Variants in RFX6 observed in about 807,000 individuals in gnomAD.
RFX6 encodes the protein regulatory factor X6.
A neutral mutation model predicts 110.8 loss-of-function variants in RFX6; 50 were observed. The ratio of observed to expected loss-of-function variants is 0.45; its 90% confidence interval spans 0.36 to 0.57. The LOEUF is 0.57. Among genes scored for constraint, RFX6 ranks in the 20% least tolerant of loss-of-function variants. The pLI is 0.00. For missense variants in RFX6, 990 were observed against 1,127.0 expected, an observed-to-expected ratio of 0.88 and a Z score of 1.74; for synonymous variants, 383 against 411.2, an observed-to-expected ratio of 0.93 and a Z score of 0.83.
At chr6:116,927,568 G>T in intron 17 of RFX6, 29 bp downstream of exon 17, 1 of 1,602,200 alleles carries the variant, frequency 6.2e-7, no homozygotes. Context: ...ATTTTTCTTG[G>T]TTTTTGAGAT....
At chr6:116,908,295 T>G (rs1241857297) in intron 6 of RFX6, among the ~76,000 whole-genome samples, 1 of 152,086 alleles carries the variant, frequency 6.6e-6, no homozygotes, top group Non-Finnish European at 1.5e-5. Context: ...CATAATATTT[T>G]CCAGTTTCAT....
intron 6 of RFX6, among the ~76,000 whole-genome samples, chr6:116,905,133 C>T (rs956187954): frequency 2.6e-5 from 4 of 152,170 alleles, no homozygotes; most frequent in Non-Finnish European, 5.9e-5. Flanking sequence ...TTTACATTCT[C>T]ACCAACAATG....
At position 116,902,160 on chromosome 6, in the gene RFX6, G is replaced by A. The variant is rs371295741; in HGVS notation, c.672+6953G>A. Among the ~76,000 whole-genome samples the A allele has an allele frequency of 2.6e-5, 4 of 152,044 alleles. No homozygotes were observed. The East Asian group carries it at 7.7e-4, about 29-fold the overall frequency. ...AATATTAAGAACATTTACATACTAG[G>A]TAAATTTTTTAATGTTTGAGTAGAA... On this transcript the variant is annotated intron_variant, in intron 6 of 18. Transcript: ENST00000332958.
chr6:116,882,453 G>T (rs1774609660), intron 4 of RFX6, 25 bp downstream of exon 4: 1 of 1,557,588 alleles, frequency 6.4e-7, no homozygotes, highest in East Asian at 2.2e-5. Flanking sequence ...AACATATTCA[G>T]GTTCTGCTCT....
In RFX6 at chr6:116,931,284, G is replaced by T. The variant is rs901192477; in HGVS notation, c.2612-47G>T. 10 of 1,428,252 alleles carry T rather than the reference G, an allele frequency of 7.0e-6. No homozygotes were observed. In the South Asian group the frequency reaches 1.0e-4, roughly 15 times the overall value. 88.5% of individuals were successfully genotyped at this position (1,428,252 alleles called of 1,614,324 possible). A position where few individuals can be genotyped will look rare whatever the true frequency, so the allele number is the denominator to read the frequency against. On this transcript the variant is annotated intron_variant, in intron 18 of 18. Coordinates refer to ENST00000332958, the MANE Select transcript of RFX6 (RefSeq NM_173560.4). ...AAATGAGTGGCATTTGCAGAGAAAA[G>T]AAAATGTCAATCAATTTTCAATTGC...
At chr6:116,915,663 T>A (rs1775445979) in intron 7 of RFX6, among the ~76,000 whole-genome samples, 1 of 152,068 alleles carries the variant, frequency 6.6e-6, no homozygotes, top group Non-Finnish European at 1.5e-5. Context: ...TTTATGTTTA[T>A]TTACCCAAAA....
intron 4 of RFX6, among the ~76,000 whole-genome samples, chr6:116,889,792 G>A (rs932608749): frequency 2.6e-5 from 4 of 152,060 alleles, no homozygotes; most frequent in Non-Finnish European, 5.9e-5. Context: ...ATATGTTTAA[G>A]TATATGATAT....
intron 7 of RFX6, 124 bp downstream of exon 7, chr6:116,911,166 G>A: frequency 1.4e-6 from 1 of 705,126 alleles, no homozygotes; most frequent in Non-Finnish European, 2.5e-6. Flanking sequence ...ATAATTGACT[G>A]ATTTATAGGA....
chr6:116,920,822 A>G (rs1029818978), intron 12 of RFX6, among the ~76,000 whole-genome samples: 1 of 152,240 alleles, frequency 6.6e-6, no homozygotes, highest in African/African-American at 2.4e-5. Context: ...TTACCTAGAA[A>G]TAAATGAAAT....
intron 6 of RFX6, among the ~76,000 whole-genome samples, chr6:116,902,105 G>C (rs1029372648): frequency 5.3e-5 from 8 of 151,974 alleles, no homozygotes; most frequent in African/African-American, 1.9e-4. Flanking sequence ...AGGATACATA[G>C]TGTATTATAC....
intron 6 of RFX6, among the ~76,000 whole-genome samples, chr6:116,900,445 G>C (rs1393560255): frequency 2.0e-5 from 3 of 152,022 alleles, no homozygotes; most frequent in African/African-American, 7.2e-5. Context: ...AGTAGAGTCG[G>C]GGTTTTGTCA....
At chr6:116,883,242 C>G (rs1206416988) in intron 4 of RFX6, among the ~76,000 whole-genome samples, 1 of 152,138 alleles carries the variant, frequency 6.6e-6, no homozygotes, top group Non-Finnish European at 1.5e-5. Flanking sequence ...TACTGTTACT[C>G]ATCTTCCTTG....
chr6:116,889,335 C>A (rs565494667), intron 4 of RFX6, among the ~76,000 whole-genome samples: 2 of 152,094 alleles, frequency 1.3e-5, no homozygotes, highest in East Asian at 3.9e-4. Flanking sequence ...GATTTTTCTT[C>A]GTACTAATTT....
intron 17 of RFX6, among the ~76,000 whole-genome samples, chr6:116,928,047 G>A (rs573624907): frequency 6.7e-6 from 1 of 148,414 alleles, no homozygotes; most frequent in Non-Finnish European, 1.5e-5. Context: ...AACACCCCCG[G>A]CCTAAAGCTG....
chr6:116,926,376 T>A (rs1199536004), intron 16 of RFX6, among the ~76,000 whole-genome samples: 1 of 152,224 alleles, frequency 6.6e-6, no homozygotes, highest in Non-Finnish European at 1.5e-5. Flanking sequence ...TAAGGTTCTC[T>A]TTGTGTCAAC....
chr6:116,897,784 G>A (rs1166225866), intron 6 of RFX6, among the ~76,000 whole-genome samples: 1 of 152,076 alleles, frequency 6.6e-6, no homozygotes, highest in African/African-American at 2.4e-5. Flanking sequence ...AGGAGAAGCA[G>A]GAAGAAAGAG....
intron 18 of RFX6, among the ~76,000 whole-genome samples, chr6:116,930,208 G>A (rs948443226): frequency 1.3e-5 from 2 of 152,084 alleles, no homozygotes; most frequent in African/African-American, 2.4e-5. Context: ...TAAAATGAGG[G>A]GATAGAATAA....
chr6:116,913,341 C>T (rs542017186), intron 7 of RFX6, among the ~76,000 whole-genome samples: 1 of 152,170 alleles, frequency 6.6e-6, no homozygotes, highest in African/African-American at 2.4e-5. Flanking sequence ...AGATTACAGG[C>T]GTAAGCCACC....
In RFX6 at chr6:116,927,420, C is replaced by T; in HGVS notation, c.2279C>T (p.Ser760Phe). ...NSRPPSSYGP[S>F]LQAQDSHNMQ... Reference sequence around the variant, plus strand: ...CGGCCACCGTCTAGCTATGGCCCATCCCTGCAAGCCCAGGATTCACACAAT... The same window carrying T: ...CGGCCACCGTCTAGCTATGGCCCATTCCTGCAAGCCCAGGATTCACACAAT... Residue 760 changes from serine (S) to phenylalanine (F), a missense_variant, in exon 17 of 19, where the codon TCC becomes TTC. Around this residue, in one of 5 missense-constraint regions of RFX6, gnomAD observed 438 missense variants for 441.9 expected, o/e 0.99. Coordinates refer to ENST00000332958, the MANE Select transcript of RFX6 (RefSeq NM_173560.4). 2 of 1,614,146 alleles carry T rather than the reference C, an allele frequency of 1.2e-6. No individual in the cohort carries two copies. The highest frequency in any genetic ancestry group is 1.7e-6 in the Non-Finnish European group (2 of 1,180,006).
Sources: gnomAD v4.1 joint callset for allele counts (sites outside exome capture counted in the v4.1 genomes callset) on GRCh38, gnomAD v4.1.1 for gene constraint, gnomAD v4.1.1 regional missense constraint, MANE v1.5 for transcripts, NCBI Gene and HGNC (gene_info 2026-07-23, HGNC 2026-07-21) for gene names.